RIOK2: variants seen among roughly 807,000 people sequenced by gnomAD.
The protein encoded by RIOK2 is RIO kinase 2, also known as serine/threonine-protein kinase RIO2.
Under a neutral mutation model 62.4 loss-of-function variants are expected in RIOK2, and 46 were observed. That is an observed-to-expected ratio of 0.74 (90% CI 0.58 to 0.94). The LOEUF (loss-of-function observed/expected upper bound fraction) is 0.94, where lower values mean the gene tolerates loss of function less well. RIOK2 is among the 40% of genes least tolerant of loss of function. The pLI is 0.00. For missense variants in RIOK2, 574 were observed against 658.0 expected, an observed-to-expected ratio of 0.87 and a Z score of 1.40; for synonymous variants, 197 against 216.0, an observed-to-expected ratio of 0.91 and a Z score of 0.77.
chr5:97,162,820 T>C lies in RIOK2; in HGVS notation c.*241A>G, dbSNP rs1034442136. 25 of 417,630 alleles carry C rather than the reference T, an allele frequency of 6.0e-5. No individual in the cohort carries two copies. The highest frequency in any genetic ancestry group is 9.7e-5 in the Non-Finnish European group (23 of 237,216). 25.9% of individuals were successfully genotyped at this position (417,630 alleles called of 1,614,324 possible). The stretch of plus-strand genomic sequence containing the variant: ...AATGTTATTTAGATTTTTAAAAATA[T>C]GCAAATGTCTCTAATAAAGTTACGT... On this transcript the variant is annotated 3_prime_UTR_variant, in exon 10 of 10. Coordinates refer to ENST00000283109, the MANE Select transcript of RIOK2 (RefSeq NM_018343.3).
In RIOK2 at chr5:97,171,476, T is replaced by C. The variant is rs1310826555; in HGVS notation, c.588-79A>G. 8.5e-6 allele frequency: 8 copies of C among 941,590 alleles called. No individual in the cohort carries two copies. The South Asian group carries it at 1.4e-4, about 16-fold the overall frequency. The allele number at this position is 941,590 out of a possible 1,614,324, so 58.3% of individuals were successfully genotyped here. A position where few individuals can be genotyped will look rare whatever the true frequency, so the allele number is the denominator to read the frequency against. On this transcript the variant is annotated intron_variant, in intron 5 of 9. Coordinates refer to ENST00000283109, the MANE Select transcript of RIOK2 (RefSeq NM_018343.3). ...ACGAAAGTATGTATGCATGTGAACA[T>C]ATATATTATTTCCATGCTGTGTATC...
In RIOK2 at chr5:97,161,985, A is replaced by C. The variant is rs1267868553; in HGVS notation, c.*1076T>G. 1 of 152,236 alleles carries C rather than the reference A, an allele frequency of 6.6e-6. No homozygotes were observed. Among genetic ancestry groups the C allele is most frequent in the Non-Finnish European group, 1.5e-5 (1 of 68,044 alleles). 9.4% of individuals were successfully genotyped at this position (152,236 alleles called of 1,614,324 possible). ...TATATTTAAGCCAATTTATTAGATA[A>C]TTACAGGTCTTGCAAATAGCTAGTA... On this transcript the variant is annotated 3_prime_UTR_variant, in exon 10 of 10. Transcript: ENST00000283109.
rs1748898725 is a variant in RIOK2 at position 97,168,117 on chromosome 5, T to C, written c.873-126A>G. The C allele has an allele frequency of 9.3e-6, 9 of 965,466 alleles. No homozygotes were observed. The South Asian group carries it at 2.4e-4, about 25-fold the overall frequency. 59.8% of individuals were successfully genotyped at this position (965,466 alleles called of 1,614,324 possible). ...ATAGCTTATATGTTAAAAATAAATT[T>C]TCCTTCCCTAAAATGTAATATTTAA... On this transcript the variant is annotated intron_variant, in intron 7 of 9. Coordinates refer to ENST00000283109, the MANE Select transcript of RIOK2 (RefSeq NM_018343.3).
rs1449706219 is a variant in RIOK2, at chr5:97,168,837, ATC to A, written c.793_794del (p.Asp265CysfsTer2). 6.3e-7 allele frequency: 1 copy of A among 1,588,494 alleles called. No individual in the cohort carries two copies. The highest frequency in any genetic ancestry group is 1.4e-5 in the African/African-American group (1 of 73,428). ...HPNAEWYFDR[D>X]VKCIKDFFMK... ...TAAAGAAATCTTTAATGCATTTAAC[ATC>A]TCTGTCAAAATACCTGCAAAAGCAA... On this transcript the variant is annotated frameshift_variant, in exon 7 of 10. Coordinates refer to ENST00000283109, the MANE Select transcript of RIOK2 (RefSeq NM_018343.3). LOFTEE classifies it high-confidence loss of function.
At chr5:97,173,301 G>A in intron 4 of RIOK2, 38 bp from the exon 5 acceptor site, 2 of 1,246,224 alleles carry the variant, frequency 1.6e-6, no homozygotes, top group Non-Finnish European at 1.2e-6. Context: ...TAATGAACAG[G>A]TCATTACTCT....
In RIOK2 at chr5:97,179,991, A is replaced by AAATATATATAAAATATATATAT; in HGVS notation, c.67-799_67-798insATATATATATTTTATATATATT. Among the ~76,000 whole-genome samples, 2 of 43,286 alleles carry AAATATATATAAAATATATATAT rather than the reference A, an allele frequency of 4.6e-5. 1 individual carries two copies. Among genetic ancestry groups the AAATATATATAAAATATATATAT allele is most frequent in the Non-Finnish European group, 8.3e-5 (2 of 24,218 alleles). 28.4% of individuals were successfully genotyped at this position (43,286 alleles called of 152,430 possible). A position where few individuals can be genotyped will look rare whatever the true frequency, so the allele number is the denominator to read the frequency against. On this transcript the variant is annotated intron_variant, in intron 1 of 9. Coordinates refer to ENST00000283109, the MANE Select transcript of RIOK2 (RefSeq NM_018343.3). Reference sequence around the variant, plus strand: ...TATATATATATAATATATATATATAAAATATATATATATTATATATATATA... The same window carrying AAATATATATAAAATATATATAT: ...TATATATATATAATATATATATATAAAATATATATAAAATATATATATAATATATATATATTATATATATATA...
chr5:97,178,990 G>C (rs78455912), intron 2 of RIOK2, 65 bp downstream of exon 2: 2 of 1,590,122 alleles, frequency 1.3e-6, no homozygotes, highest in Non-Finnish European at 8.6e-7. Flanking sequence ...CTTGACTTTT[G>C]GAACACTTGC....
intron 9 of RIOK2, among the ~76,000 whole-genome samples, chr5:97,164,094 G>A (rs1002658778): frequency 1.3e-5 from 2 of 152,084 alleles, no homozygotes; most frequent in Non-Finnish European, 2.9e-5. Context: ...GTCTTGCTAT[G>A]TTGCCCAGGC....
chr5:97,164,213 A>G (rs1222427164), intron 9 of RIOK2, among the ~76,000 whole-genome samples: 1 of 151,918 alleles, frequency 6.6e-6, no homozygotes, highest in Non-Finnish European at 1.5e-5. Context: ...ATATCCAAGT[A>G]CAAATGGCTG....
chr5:97,179,058 T>C lies in RIOK2; in HGVS notation c.202A>G (p.Lys68Glu), dbSNP rs1749260724. Residue 68 changes from lysine (K) to glutamate (E), a missense_variant, in exon 2 of 10, where the codon AAA becomes GAA. Physicochemically the swap from Lys to Glu is moderately conservative, Grantham distance 56 (BLOSUM62 1). Coordinates refer to ENST00000283109, the MANE Select transcript of RIOK2 (RefSeq NM_018343.3). ...KHKLIAWERTKTVQGYRLTNA... is the reference protein window; with the variant it reads ...KHKLIAWERTETVQGYRLTNA... ...AATGGTGCCTCAAAATACTTACTTT[T>C]GGTACGCTCCCAAGCTATGAGTTTA... 1 of 1,613,934 alleles carries C rather than the reference T, an allele frequency of 6.2e-7. No individual in the cohort carries two copies. The highest frequency in any genetic ancestry group is 2.2e-5 in the East Asian group (1 of 44,854).
intron 5 of RIOK2, among the ~76,000 whole-genome samples, chr5:97,172,760 A>C (rs1749049826): frequency 6.6e-6 from 1 of 152,186 alleles, no homozygotes; most frequent in Non-Finnish European, 1.5e-5. Context: ...ACCCTACATA[A>C]AACAGTAGTC....
intron 9 of RIOK2, chr5:97,164,830 C>T (rs1748802351): frequency 2.9e-6 from 1 of 349,768 alleles, no homozygotes; most frequent in Admixed American, 4.7e-5. Flanking sequence ...AGTCATTTGG[C>T]CTTCATTTTA....
chr5:97,164,005 G>A (rs1194406883), intron 9 of RIOK2, among the ~76,000 whole-genome samples: 1 of 151,862 alleles, frequency 6.6e-6, no homozygotes, highest in Non-Finnish European at 1.5e-5. Context: ...TGATCTTTCT[G>A]CCTCAGTCTC....
chr5:97,180,020 T>TATATATA (rs1180039226), intron 1 of RIOK2, among the ~76,000 whole-genome samples: 3 of 69,166 alleles, frequency 4.3e-5, no homozygotes, highest in African/African-American at 1.6e-4. Context: ...ATATATAATA[T>TATATATA]ATATATAATA....
intron 8 of RIOK2, 90 bp downstream of exon 8, chr5:97,167,377 C>A: frequency 6.6e-7 from 1 of 1,523,350 alleles, no homozygotes; most frequent in South Asian, 1.3e-5. Context: ...AATTTTGTCA[C>A]ATCATTTGAA....
At position 97,160,983 on chromosome 5, in the gene RIOK2, T is replaced by C. The variant is rs1159309267; in HGVS notation, c.*2078A>G. On this transcript the variant is annotated 3_prime_UTR_variant, in exon 10 of 10. Coordinates refer to ENST00000283109, the MANE Select transcript of RIOK2 (RefSeq NM_018343.3). ...CAAAGGATCATAGCTGAAATACCAG[T>C]GACCATCACAATAGGAAAGGTGGTC... 6.6e-6 allele frequency: 1 copy of C among 152,234 alleles called. No homozygotes were observed. The highest frequency in any genetic ancestry group is 1.9e-4 in the East Asian group (1 of 5,198). 9.4% of individuals were successfully genotyped at this position (152,234 alleles called of 1,614,324 possible).
chr5:97,172,336 T>C (rs969895482), intron 5 of RIOK2, among the ~76,000 whole-genome samples: 2 of 152,196 alleles, frequency 1.3e-5, no homozygotes, highest in African/African-American at 4.8e-5. Flanking sequence ...CCTGTTTCTA[T>C]ACATGGTAGA....
chr5:97,168,786 C>T lies in RIOK2; in HGVS notation c.846G>A (p.Glu282=), dbSNP rs766203765. Reference sequence around the variant, plus strand: ...TGATATCCTTAAAAGTTGGAAAAAGCTCACTTTCGTAGCTGAAACGTTTCA... The same window carrying T: ...TGATATCCTTAAAAGTTGGAAAAAGTTCACTTTCGTAGCTGAAACGTTTCA... ...FFMKRFSYES[E]LFPTFKDIRR... is the part of the protein sequence containing the mutation. Residue 282 remains glutamate (E), a synonymous_variant, in exon 7 of 10, where the codon GAG becomes GAA. Transcript: ENST00000283109. 11 of 1,600,410 alleles carry T rather than the reference C, an allele frequency of 6.9e-6. No individual in the cohort carries two copies. The East Asian group carries it at 1.1e-4, about 16-fold the overall frequency.
chr5:97,174,333 T>A (rs1749103077), intron 4 of RIOK2, among the ~76,000 whole-genome samples: 1 of 152,172 alleles, frequency 6.6e-6, no homozygotes, highest in African/African-American at 2.4e-5. Context: ...GGCAGGAGAA[T>A]CGCGTGAACC....
Sources: gnomAD v4.1 joint callset for allele counts (sites outside exome capture counted in the v4.1 genomes callset) on GRCh38, gnomAD v4.1.1 for gene constraint, MANE v1.5 for transcripts, NCBI Gene and HGNC (gene_info 2026-07-23, HGNC 2026-07-21) for gene names.